Variants in CFTR observed in about 807,000 individuals in gnomAD.
CFTR encodes CF transmembrane conductance regulator.
In CFTR, 181 loss-of-function variants were observed where a neutral mutation model predicts 171.6. That is an observed-to-expected ratio of 1.05 (90% CI 0.93 to 1.19). The LOEUF (loss-of-function observed/expected upper bound fraction) is 1.19, where lower values mean the gene tolerates loss of function less well. Ranked by LOEUF, CFTR falls within the 50% of genes most tolerant of loss-of-function variation. The pLI is 0.00. For synonymous variants in CFTR, 583 were observed against 608.0 expected (o/e 0.96, Z 0.60); for missense variants, 1,968 against 1,734.7 (o/e 1.13, Z -2.39).
At chr7:117,534,737 T>A (rs550648304) in intron 5 of CFTR, among the ~76,000 whole-genome samples, 1 of 152,238 alleles carries the variant, frequency 6.6e-6, no homozygotes, top group Non-Finnish European at 1.5e-5. Flanking sequence ...GGACAGATAA[T>A]GTGTTTTATT....
chr7:117,585,911 G>A (rs1164827589), intron 11 of CFTR, among the ~76,000 whole-genome samples: 3 of 152,138 alleles, frequency 2.0e-5, no homozygotes, highest in African/African-American at 7.2e-5. Context: ...ATCCTGAAGT[G>A]CTGAGATTAT....
intron 11 of CFTR, among the ~76,000 whole-genome samples, chr7:117,575,201 A>G (rs969905432): frequency 6.6e-6 from 1 of 152,138 alleles, no homozygotes; most frequent in Non-Finnish European, 1.5e-5. Context: ...TACAATTTAT[A>G]GTACCACCAG....
intron 1 of CFTR, among the ~76,000 whole-genome samples, chr7:117,497,261 A>G (rs1026854616): frequency 2.0e-5 from 3 of 152,284 alleles, no homozygotes; most frequent in African/African-American, 7.2e-5. Context: ...CAGATGAAAT[A>G]ATGTATGTGA....
At chr7:117,600,056 G>T (rs1482141480) in intron 15 of CFTR, among the ~76,000 whole-genome samples, 4 of 151,540 alleles carry the variant, frequency 2.6e-5, no homozygotes, top group Non-Finnish European at 5.9e-5. Context: ...TTTTTTATAG[G>T]TTAGGTAAAA....
At chr7:117,591,866 T>C (rs1792029341) in intron 13 of CFTR, 68 bp from the exon 14 acceptor site, 1 of 1,020,186 alleles carries the variant, frequency 9.8e-7, no homozygotes, top group East Asian at 2.6e-5. Flanking sequence ...AACAAAATGC[T>C]AAAATACGAG....
chr7:117,613,309 C>A (rs752733739), intron 20 of CFTR, among the ~76,000 whole-genome samples: 2 of 152,098 alleles, frequency 1.3e-5, no homozygotes, highest in Non-Finnish European at 2.9e-5. Flanking sequence ...AAACATTTAA[C>A]AATCATTATA....
At chr7:117,596,396 G>A (rs983586796) in intron 15 of CFTR, among the ~76,000 whole-genome samples, 16 of 152,306 alleles carry the variant, frequency 1.1e-4, no homozygotes, top group Non-Finnish European at 1.2e-4. Flanking sequence ...CCAACCTGCC[G>A]CTGCAGTGGG....
In CFTR at chr7:117,542,066, T is replaced by C. The variant is rs2115882403; in HGVS notation, c.1167T>C (p.Thr389=). The C allele has an allele frequency of 6.2e-7, 1 of 1,604,198 alleles. No individual in the cohort carries two copies. Among genetic ancestry groups the C allele is most frequent in the Non-Finnish European group, 8.5e-7 (1 of 1,171,102 alleles). ...EYKTLEYNLT[T]TEVVMENVTA... The stretch of plus-strand genomic sequence containing the variant: ...AGACATTGGAATATAACTTAACGAC[T>C]ACAGAAGTAGTGATGGAGAATGTAA... Residue 389 remains threonine, a synonymous_variant, in exon 9 of 27, where the codon ACT becomes ACC. Transcript: ENST00000003084.
chr7:117,625,018 C>T (rs905308514), intron 21 of CFTR, among the ~76,000 whole-genome samples: 1 of 152,168 alleles, frequency 6.6e-6, no homozygotes, highest in Non-Finnish European at 1.5e-5. Flanking sequence ...ATAATGTTAG[C>T]TGTCCACATC....
At chr7:117,655,196 A>G (rs1383901769) in intron 24 of CFTR, among the ~76,000 whole-genome samples, 1 of 152,196 alleles carries the variant, frequency 6.6e-6, no homozygotes, top group East Asian at 1.9e-4. Context: ...CTTTTGATCA[A>G]TAATTCCATT....
intron 17 of CFTR, among the ~76,000 whole-genome samples, chr7:117,606,225 T>A (rs1369539621): frequency 3.3e-5 from 5 of 152,050 alleles, no homozygotes; most frequent in Non-Finnish European, 1.5e-5. Flanking sequence ...CAGCCAGGGT[T>A]TCGGTAGAGG....
In CFTR at chr7:117,666,983, G is replaced by A. The variant is rs1475182665; in HGVS notation, c.4318G>A (p.Ala1440Thr). 13 of 1,613,992 alleles carry A rather than the reference G, an allele frequency of 8.1e-6. No homozygotes were observed. The highest frequency in any genetic ancestry group is 1.1e-5 in the Non-Finnish European group (13 of 1,179,978). ...GAACGAGAGGAGCCTCTTCCGGCAAGCCATCAGCCCCTCCGACAGGGTGAA... is the reference window on the plus strand; with the variant it reads ...GAACGAGAGGAGCCTCTTCCGGCAAACCATCAGCCCCTCCGACAGGGTGAA... The part of the protein sequence containing the change: ...LLNERSLFRQ[A>T]ISPSDRVKLF... The change falls in exon 27 of 27, where the codon GCC (alanine) becomes ACC (threonine). Residue 1440 changes from alanine (A) to threonine (T), a missense_variant. Transcript: ENST00000003084.
chr7:117,604,847 G>A (rs1034409680), intron 17 of CFTR: 2 of 152,124 alleles, frequency 1.3e-5, no homozygotes, highest in African/African-American at 4.8e-5. Context: ...CAGAAGGCAG[G>A]GGATTTGCCC....
chr7:117,550,176 A>T lies in CFTR; in HGVS notation c.1392+1353A>T, dbSNP rs1799244727. On this transcript the variant is annotated intron_variant, in intron 10 of 26. Transcript: ENST00000003084. ...CATGGCAAACCCCACCTCTACAAAA[A>T]ACACAAACAAAAGAAAATAGCTGGG... Among the ~76,000 whole-genome samples, 3 of 152,052 alleles carry T rather than the reference A, an allele frequency of 2.0e-5. No homozygotes were observed. In the South Asian group the frequency reaches 6.2e-4, roughly 32 times the overall value.
Position 117,546,584 on chromosome 7 carries a change from C to T in CFTR, c.1210-2057C>T, listed in dbSNP as rs906600083. Among the ~76,000 whole-genome samples the T allele has an allele frequency of 2.6e-5, 4 of 152,076 alleles. No individual in the cohort carries two copies. In the South Asian group the frequency reaches 8.3e-4, roughly 32 times the overall value. On this transcript the variant is annotated intron_variant, in intron 9 of 26. Transcript: ENST00000003084. ...TTTCTCTTTTCTTATTTCTGGTTTT[C>T]TGTGTTTTCCAAATTTCTTGAAATG...
chr7:117,515,908 T>C (rs1047187361), intron 3 of CFTR, among the ~76,000 whole-genome samples: 1 of 152,190 alleles, frequency 6.6e-6, no homozygotes, highest in Non-Finnish European at 1.5e-5. Context: ...GTTCTCTTTG[T>C]AGTGATTGTG....
intron 11 of CFTR, among the ~76,000 whole-genome samples, chr7:117,583,784 C>T (rs1435185814): frequency 6.6e-6 from 1 of 152,000 alleles, no homozygotes; most frequent in Admixed American, 6.6e-5. Context: ...AGTTTACAAC[C>T]CCACCAGCAG....
At chr7:117,665,662 G>C in intron 26 of CFTR, 98 bp downstream of exon 26, 1 of 817,498 alleles carries the variant, frequency 1.2e-6, no homozygotes, top group Non-Finnish European at 2.1e-6. Context: ...CAATGTACAA[G>C]TTCTTTTCAA....
At chr7:117,497,831 G>A (rs868263148) in intron 1 of CFTR, among the ~76,000 whole-genome samples, 2 of 151,956 alleles carry the variant, frequency 1.3e-5, no homozygotes, top group African/African-American at 4.8e-5. Flanking sequence ...GTTACCCATA[G>A]CAATTAATGC....
Sources: allele counts gnomAD v4.1 joint callset (sites outside exome capture counted in the v4.1 genomes callset), GRCh38; gene constraint gnomAD v4.1.1; transcripts MANE v1.5; gene names NCBI Gene and HGNC (gene_info 2026-07-23, HGNC 2026-07-21).